The following ECT2L variants were observed in gnomAD, a reference collection of about 807,000 sequenced individuals.
ECT2L encodes the protein epithelial cell-transforming sequence 2 oncogene-like.
In ECT2L, 126 loss-of-function variants were observed where a neutral mutation model predicts 122.8. That is an observed-to-expected ratio of 1.03 (90% CI 0.89 to 1.19). The LOEUF is 1.19. Among genes scored for constraint, ECT2L ranks in the 50% most tolerant of loss-of-function variants. ECT2L has a pLI of 0.00. For synonymous variants in ECT2L, 385 were observed against 381.8 expected, an observed-to-expected ratio of 1.01 and a Z score of -0.10; for missense variants, 1,012 against 1,064.1, an observed-to-expected ratio of 0.95 and a Z score of 0.68.
chr6:138,900,403 T>C (rs1349669948), intron 20 of ECT2L, among the ~76,000 whole-genome samples: 2 of 152,092 alleles, frequency 1.3e-5, no homozygotes, highest in African/African-American at 4.8e-5. Flanking sequence ...TGTGCCACCA[T>C]GCATGGCTAA....
intron 2 of ECT2L, 27 bp from the exon 3 acceptor site, chr6:138,813,144 AG>A (rs1775956294): frequency 1.7e-6 from 1 of 591,358 alleles, no homozygotes; most frequent in Non-Finnish European, 3.0e-6. Context: ...AATTCCTATA[AG>A]GACATTAACA....
chr6:138,846,795 C>A, intron 8 of ECT2L, 118 bp downstream of exon 8: 1 of 1,197,956 alleles, frequency 8.3e-7, no homozygotes, highest in Non-Finnish European at 1.1e-6. Context: ...AAAAATGATT[C>A]AACTTCTAAA....
chr6:138,850,289 C>A (rs143882326), intron 9 of ECT2L, among the ~76,000 whole-genome samples: 2 of 152,064 alleles, frequency 1.3e-5, no homozygotes, highest in Admixed American at 6.6e-5. Flanking sequence ...TGATTACAGG[C>A]GTCCACCACC....
chr6:138,822,874 T>A, intron 4 of ECT2L: 1 of 1,613,970 alleles, frequency 6.2e-7, no homozygotes, highest in Non-Finnish European at 8.5e-7. Flanking sequence ...GCAAAAGTTT[T>A]CCTCCCTGTA....
At chr6:138,829,731 C>CT (rs61251928) in intron 4 of ECT2L, among the ~76,000 whole-genome samples, 15,102 of 149,840 alleles carry the variant, frequency 0.1, 738 homozygotes, top group East Asian at 0.21. Flanking sequence ...TTTTTTTTTC[C>CT]TTTTTTTTTG....
intron 4 of ECT2L, among the ~76,000 whole-genome samples, chr6:138,825,285 A>G (rs1182246111): frequency 6.6e-6 from 1 of 152,192 alleles, no homozygotes; most frequent in Non-Finnish European, 1.5e-5. Flanking sequence ...GAAGCATTAG[A>G]AAATACATAT....
Position 138,849,340 on chromosome 6 carries a change from T to C in ECT2L, c.975T>C (p.Leu325=), listed in dbSNP as rs1249483966. 2 of 1,613,976 alleles carry C rather than the reference T, an allele frequency of 1.2e-6. No individual in the cohort carries two copies. The highest frequency in any genetic ancestry group is 1.7e-6 in the Non-Finnish European group (2 of 1,180,004). ...VYEHSVTLES[L]LYLIEKALDG... is the part of the protein sequence containing the mutation. ...AACACAGCGTAACCTTGGAAAGCCTTCTGTATCTTATAGAAAAAGCTCTGG... is the reference window on the plus strand; with the variant it reads ...AACACAGCGTAACCTTGGAAAGCCTCCTGTATCTTATAGAAAAAGCTCTGG... Residue 325 remains leucine, a synonymous_variant, in exon 9 of 22, where the codon CTT becomes CTC. Coordinates refer to ENST00000541398, the MANE Select transcript of ECT2L (RefSeq NM_001077706.3).
intron 12 of ECT2L, among the ~76,000 whole-genome samples, chr6:138,867,881 T>C (rs1778102831): frequency 6.6e-6 from 1 of 151,216 alleles, no homozygotes; most frequent in African/African-American, 2.4e-5. Context: ...TGGTGGTGCA[T>C]GCCTATAGTC....
intron 12 of ECT2L, among the ~76,000 whole-genome samples, chr6:138,866,154 T>G (rs1035056605): frequency 6.6e-6 from 1 of 151,162 alleles, no homozygotes; most frequent in South Asian, 2.1e-4. Flanking sequence ...TCATAGTTTT[T>G]TTTTTTTTTT....
At position 138,882,701 on chromosome 6, in the gene ECT2L, C is replaced by T. The variant is rs200831294; in HGVS notation, c.1881-23C>T. 186 of 1,611,604 alleles carry T rather than the reference C, an allele frequency of 1.2e-4. 2 individuals are homozygous for T. The Admixed American group carries it at 3.1e-3, about 27-fold the overall frequency. On this transcript the variant is annotated intron_variant, in intron 15 of 21. Transcript: ENST00000541398. ...AGTTATCACAAGTGAATATTTCATG[C>T]TTATGCTCTTCTCATACCACAGGCA...
At chr6:138,849,538 C>A in intron 9 of ECT2L, 104 bp downstream of exon 9, 3 of 1,168,718 alleles carry the variant, frequency 2.6e-6, no homozygotes, top group Non-Finnish European at 3.4e-6. Context: ...GTTGCTAAGA[C>A]GTGTTGATTT....
At chr6:138,822,205 G>A (rs1229397177) in intron 4 of ECT2L, among the ~76,000 whole-genome samples, 1 of 152,176 alleles carries the variant, frequency 6.6e-6, no homozygotes, top group African/African-American at 2.4e-5. Flanking sequence ...CAAGCACTCT[G>A]CCAGTTGCCA....
At chr6:138,899,439 T>TTGTGTGTGTGTG (rs60379586) in intron 20 of ECT2L, among the ~76,000 whole-genome samples, 4 of 149,434 alleles carry the variant, frequency 2.7e-5, no homozygotes, top group African/African-American at 9.8e-5. Flanking sequence ...TGTACATAGA[T>TTGTGTGTGTGTG]TGTGTGTGTG....
chr6:138,835,509 G>A (rs190154424), intron 4 of ECT2L, among the ~76,000 whole-genome samples: 279 of 149,922 alleles, frequency 1.9e-3, no homozygotes, highest in Admixed American at 0.015. Context: ...CTGAGATTGC[G>A]CCACTGCCCT....
chr6:138,831,543 CCTT>C lies in ECT2L; in HGVS notation c.180-6803_180-6801del, dbSNP rs915479493. ...CTAGGAGGCTCTTCTACCTCCACTG[CCTT>C]CTTCTCCCAGTTGCCTTTAACCCAC... On this transcript the variant is annotated intron_variant, in intron 4 of 21. Coordinates refer to ENST00000541398, the MANE Select transcript of ECT2L (RefSeq NM_001077706.3). Among the ~76,000 whole-genome samples the C allele has an allele frequency of 1.1e-4, 16 of 152,298 alleles. No individual in the cohort carries two copies. In the South Asian group the frequency reaches 1.9e-3, roughly 18 times the overall value.
At chr6:138,809,158 T>A (rs1775809214) in intron 1 of ECT2L, among the ~76,000 whole-genome samples, 1 of 152,240 alleles carries the variant, frequency 6.6e-6, no homozygotes, top group Admixed American at 6.5e-5. Flanking sequence ...ACCATTAGTG[T>A]CATGTCTGCT....
chr6:138,883,509 A>G (rs532960433), intron 16 of ECT2L, among the ~76,000 whole-genome samples: 2 of 152,286 alleles, frequency 1.3e-5, no homozygotes, highest in African/African-American at 4.8e-5. Flanking sequence ...GTCACATGGC[A>G]GCACACTTCT....
chr6:138,813,145 G>A (rs1775956207), intron 2 of ECT2L, 27 bp from the exon 3 acceptor site: 2 of 597,598 alleles, frequency 3.3e-6, no homozygotes, highest in Non-Finnish European at 5.9e-6. Context: ...ATTCCTATAA[G>A]GACATTAACA....
At position 138,828,335 on chromosome 6, in the gene ECT2L, A is replaced by G. The variant is rs561366779; in HGVS notation, c.180-10017A>G. Among the ~76,000 whole-genome samples the G allele has an allele frequency of 7.2e-5, 11 of 152,228 alleles. No homozygotes were observed. The South Asian group carries it at 2.3e-3, about 32-fold the overall frequency. The stretch of plus-strand genomic sequence containing the variant: ...ATGACTTCTAGATTTCTTTCAATGT[A>G]TAGGTTTTCTCCCCTCACCCTTTTT... On this transcript the variant is annotated intron_variant, in intron 4 of 21. Coordinates refer to ENST00000541398, the MANE Select transcript of ECT2L (RefSeq NM_001077706.3).
Sources: allele counts gnomAD v4.1 joint callset (sites outside exome capture counted in the v4.1 genomes callset), GRCh38; gene constraint gnomAD v4.1.1; transcripts MANE v1.5; gene names NCBI Gene and HGNC (gene_info 2026-07-23, HGNC 2026-07-21).